Variants in TMEM132C observed in about 807,000 individuals in gnomAD.
TMEM132C encodes protein phosphatase 1, regulatory subunit 152.
In TMEM132C, 29 loss-of-function variants were observed where a neutral mutation model predicts 61.4. That is an observed-to-expected ratio of 0.47 (90% CI 0.35 to 0.64). The LOEUF is 0.64. TMEM132C is among the 30% of genes least tolerant of loss of function. The pLI is 0.00. For synonymous variants in TMEM132C, 656 were observed against 633.1 expected (o/e 1.04, Z -0.54); for missense variants, 1,408 against 1,476.9 (o/e 0.95, Z 0.76).
At chr12:128,306,396 G>T (rs1292002757) in intron 1 of TMEM132C, among the ~76,000 whole-genome samples, 4 of 151,858 alleles carry the variant, frequency 2.6e-5, no homozygotes, top group Non-Finnish European at 4.4e-5. Flanking sequence ...TAGAGATGGG[G>T]TTTCATCGTG....
Position 128,513,044 on chromosome 12 carries a change from G to A in TMEM132C, c.975-30913G>A, listed in dbSNP as rs564043324. On this transcript the variant is annotated intron_variant, in intron 2 of 8. Transcript: ENST00000435159. Reference sequence around the variant, plus strand: ...ACACTGTTTGGATGGATGATATGCCGGGAGGGAGAGGTGCTGTGAGGAGAA... The same window carrying A: ...ACACTGTTTGGATGGATGATATGCCAGGAGGGAGAGGTGCTGTGAGGAGAA... Among the ~76,000 whole-genome samples the A allele has an allele frequency of 7.7e-4, 117 of 152,268 alleles. 1 individual carries two copies. Among genetic ancestry groups the A allele is most frequent in the Non-Finnish European group, 1.5e-3 (99 of 68,028 alleles).
chr12:128,627,785 C>T (rs1954029985), intron 4 of TMEM132C, among the ~76,000 whole-genome samples: 1 of 152,176 alleles, frequency 6.6e-6, no homozygotes, highest in South Asian at 2.1e-4. Context: ...GTCCCAGCTC[C>T]CTCCGCCGAG....
At chr12:128,699,106 G>A (rs1169094895) in intron 8 of TMEM132C, among the ~76,000 whole-genome samples, 2 of 127,814 alleles carry the variant, frequency 1.6e-5, no homozygotes, top group Non-Finnish European at 1.6e-5. Context: ...GGGCTGGGCT[G>A]GTGTTATAAG....
chr12:128,507,181 C>T (rs1423528015), intron 2 of TMEM132C, among the ~76,000 whole-genome samples: 2 of 152,100 alleles, frequency 1.3e-5, no homozygotes, highest in African/African-American at 2.4e-5. Flanking sequence ...CCCTGACCAA[C>T]CCAGGCTGTC....
intron 1 of TMEM132C, among the ~76,000 whole-genome samples, chr12:128,313,034 T>C (rs935143096): frequency 1.3e-5 from 2 of 152,214 alleles, no homozygotes; most frequent in African/African-American, 4.8e-5. Context: ...AGGAGCTTAG[T>C]GCACAGAGAG....
chr12:128,318,747 C>T (rs935236044), intron 1 of TMEM132C, among the ~76,000 whole-genome samples: 6 of 152,104 alleles, frequency 3.9e-5, no homozygotes, highest in South Asian at 2.1e-4. Flanking sequence ...AGATTGGATA[C>T]GTTAAAGTGA....
rs577218318 is a variant in TMEM132C at position 128,326,707 on chromosome 12, C to T, written c.85+59220C>T. 1.3e-5 allele frequency among the ~76,000 whole-genome samples: 2 copies of T among 152,128 alleles called. No individual in the cohort carries two copies. The highest frequency in any genetic ancestry group is 1.9e-4 in the East Asian group (1 of 5,188). ...TCTATTAGCCTTTGTGCCCCTAAGA[C>T]GGAGCAGGCTGGAAGGTAAGAGGCA... is the stretch of plus-strand genomic sequence containing the variant. On this transcript the variant is annotated intron_variant, in intron 1 of 8. Transcript: ENST00000435159. The surrounding 1 kb of genome is among the most constrained non-coding windows in gnomAD (Gnocchi z 5.6).
chr12:128,584,781 G>T (rs1471401761), intron 3 of TMEM132C, among the ~76,000 whole-genome samples: 2 of 152,202 alleles, frequency 1.3e-5, no homozygotes, highest in Non-Finnish European at 1.5e-5. Context: ...TCAGCTGGGT[G>T]CTCCACTGGG....
intron 2 of TMEM132C, among the ~76,000 whole-genome samples, chr12:128,431,100 A>G (rs1158154249): frequency 1.3e-5 from 2 of 152,244 alleles, no homozygotes; most frequent in African/African-American, 4.8e-5. Context: ...GCGAACGCAA[A>G]GGAAAGTTCT....
intron 3 of TMEM132C, among the ~76,000 whole-genome samples, chr12:128,582,292 A>G (rs1356657226): frequency 6.6e-6 from 1 of 152,254 alleles, no homozygotes; most frequent in Non-Finnish European, 1.5e-5. Flanking sequence ...GAAAACAACA[A>G]TAAGATTTCA....
intron 4 of TMEM132C, among the ~76,000 whole-genome samples, chr12:128,659,354 C>A (rs1370513172): frequency 6.6e-6 from 1 of 152,218 alleles, no homozygotes; most frequent in Admixed American, 6.5e-5. Flanking sequence ...CACAGAAATT[C>A]AATCCATCTT....
intron 2 of TMEM132C, among the ~76,000 whole-genome samples, chr12:128,447,568 C>T (rs1237523843): frequency 6.6e-6 from 1 of 152,186 alleles, no homozygotes; most frequent in East Asian, 1.9e-4. Context: ...GCCCATTTCT[C>T]AGGTGTAAAT....
At chr12:128,416,554 G>A (rs1323900158) in intron 2 of TMEM132C, among the ~76,000 whole-genome samples, 1 of 152,186 alleles carries the variant, frequency 6.6e-6, no homozygotes, top group Non-Finnish European at 1.5e-5. Context: ...ATCACATTTT[G>A]AATGAGTTGC....
At chr12:128,493,942 A>G (rs1316145809) in intron 2 of TMEM132C, among the ~76,000 whole-genome samples, 1 of 152,174 alleles carries the variant, frequency 6.6e-6, no homozygotes, top group Non-Finnish European at 1.5e-5. Flanking sequence ...TTCAAAGGAA[A>G]TGCTTCCAGT....
chr12:128,600,371 C>T lies in TMEM132C; in HGVS notation c.1122-15781C>T, dbSNP rs12311201. On this transcript the variant is annotated intron_variant, in intron 3 of 8. Coordinates refer to ENST00000435159, the MANE Select transcript of TMEM132C (RefSeq NM_001136103.3). ...CATGTGAAGGACATGTTTACTTCTC[C>T]TTCCACCATGATTGTAAGTTTCCTG... Among the ~76,000 whole-genome samples the T allele has an allele frequency of 9.6e-3, 1,468 of 152,298 alleles. 24 individuals are homozygous for T. Among genetic ancestry groups the T allele is most frequent in the African/African-American group, 0.034 (1,408 of 41,546 alleles).
intron 2 of TMEM132C, among the ~76,000 whole-genome samples, chr12:128,456,264 G>A (rs1471942565): frequency 3.3e-5 from 5 of 151,142 alleles, no homozygotes; most frequent in Admixed American, 1.3e-4. Context: ...AGATGTTTGC[G>A]TGATTTGCGT....
intron 2 of TMEM132C, among the ~76,000 whole-genome samples, chr12:128,435,786 G>GA (rs565889008): frequency 8.6e-5 from 13 of 152,042 alleles, no homozygotes; most frequent in African/African-American, 2.9e-4. Context: ...CACAGAACTG[G>GA]AAAAAAACTA....
intron 1 of TMEM132C, among the ~76,000 whole-genome samples, chr12:128,388,009 T>A (rs1343762547): frequency 6.6e-6 from 1 of 152,182 alleles, no homozygotes; most frequent in African/African-American, 2.4e-5. Flanking sequence ...GTCCACTGGC[T>A]CCTTGGCCGG....
chr12:128,282,483 G>A (rs552574775), intron 1 of TMEM132C, among the ~76,000 whole-genome samples: 132 of 152,272 alleles, frequency 8.7e-4, no homozygotes, highest in Admixed American at 3.9e-3. Flanking sequence ...TTATAAAACC[G>A]TCAGATCTTG....
Sources: allele counts gnomAD v4.1 joint callset (sites outside exome capture counted in the v4.1 genomes callset), GRCh38; gene constraint gnomAD v4.1.1; non-coding constraint Gnocchi (gnomAD v3.1); transcripts MANE v1.5; gene names NCBI Gene and HGNC (gene_info 2026-07-23, HGNC 2026-07-21).